Variants in PLCXD3 observed in about 807,000 individuals in gnomAD.
PLCXD3 encodes PI-PLC X domain-containing protein 3.
PLCXD3 carries 19 observed loss-of-function variants against 25.5 expected under a neutral mutation model. The observed-to-expected ratio is 0.75, with a 90% CI of 0.52 to 1.09. The LOEUF (loss-of-function observed/expected upper bound fraction) is 1.09. Ranked by LOEUF, PLCXD3 falls within the 50% of genes least tolerant of loss-of-function variation. The probability of loss-of-function intolerance (pLI) is 0.00; values close to 1 mark genes in which losing one functional copy is unlikely to be tolerated. For synonymous variants in PLCXD3, 174 were observed against 137.6 expected (o/e 1.26, Z -1.85); for missense variants, 411 against 388.1 (o/e 1.06, Z -0.50).
intron 1 of PLCXD3, among the ~76,000 whole-genome samples, chr5:41,491,593 A>G (rs1172875770): frequency 6.6e-6 from 1 of 151,996 alleles, no homozygotes. Flanking sequence ...GTCTGTAAGG[A>G]CTTACTTTAT....
At chr5:41,340,230 T>C (rs1373081638) in intron 2 of PLCXD3, among the ~76,000 whole-genome samples, 1 of 152,118 alleles carries the variant, frequency 6.6e-6, no homozygotes, top group African/African-American at 2.4e-5. Flanking sequence ...ATCAGAGCAT[T>C]TTTCTACACT....
At chr5:41,394,727 C>G (rs951974601) in intron 1 of PLCXD3, among the ~76,000 whole-genome samples, 1 of 152,032 alleles carries the variant, frequency 6.6e-6, no homozygotes, top group Non-Finnish European at 1.5e-5. Context: ...AAGAAGGTCA[C>G]TATATAATGA....
chr5:41,451,306 A>G (rs572595301), intron 1 of PLCXD3, among the ~76,000 whole-genome samples: 2 of 152,176 alleles, frequency 1.3e-5, no homozygotes, highest in African/African-American at 4.8e-5. Flanking sequence ...ATTTCCTGCT[A>G]CCAGGAATGT....
intron 1 of PLCXD3, among the ~76,000 whole-genome samples, chr5:41,419,941 C>A (rs1481348814): frequency 1.3e-5 from 2 of 152,166 alleles, no homozygotes; most frequent in Non-Finnish European, 2.9e-5. Flanking sequence ...TCACAGTAAG[C>A]ACCTTTAGTA....
At chr5:41,503,300 T>G (rs1457441146) in intron 1 of PLCXD3, among the ~76,000 whole-genome samples, 1 of 152,158 alleles carries the variant, frequency 6.6e-6, no homozygotes, top group African/African-American at 2.4e-5. Flanking sequence ...AGGAACCAAA[T>G]TTTCATTTAT....
intron 1 of PLCXD3, among the ~76,000 whole-genome samples, chr5:41,393,535 C>T (rs149683578): frequency 3.3e-5 from 5 of 152,194 alleles, no homozygotes; most frequent in African/African-American, 7.2e-5. Context: ...ATTTAATTCA[C>T]GCCAGACCCA....
intron 2 of PLCXD3, among the ~76,000 whole-genome samples, chr5:41,352,853 G>A (rs1453345323): frequency 6.6e-6 from 1 of 152,044 alleles, no homozygotes; most frequent in East Asian, 1.9e-4. Context: ...TACAAGAAAG[G>A]CCCATTGTGT....
At chr5:41,446,757 T>C (rs1747514238) in intron 1 of PLCXD3, among the ~76,000 whole-genome samples, 1 of 152,164 alleles carries the variant, frequency 6.6e-6, no homozygotes, top group Non-Finnish European at 1.5e-5. Context: ...TGTATGGCAG[T>C]GCACCCGGAT....
At chr5:41,405,083 T>C (rs916910199) in intron 1 of PLCXD3, among the ~76,000 whole-genome samples, 1 of 152,186 alleles carries the variant, frequency 6.6e-6, no homozygotes, top group Non-Finnish European at 1.5e-5. Context: ...GCTTTCTACA[T>C]ATATAATACC....
chr5:41,385,940 AG>A (rs1482762294), intron 1 of PLCXD3, among the ~76,000 whole-genome samples: 1 of 152,134 alleles, frequency 6.6e-6, no homozygotes, highest in Non-Finnish European at 1.5e-5. Context: ...TCTTGATTGC[AG>A]CCCTGTGAGA....
At chr5:41,483,620 T>C (rs1194428722) in intron 1 of PLCXD3, among the ~76,000 whole-genome samples, 1 of 152,154 alleles carries the variant, frequency 6.6e-6, no homozygotes, top group Non-Finnish European at 1.5e-5. Flanking sequence ...AAATGTTCTG[T>C]GGATGAATGA....
At chr5:41,388,798 T>A (rs901598585) in intron 1 of PLCXD3, among the ~76,000 whole-genome samples, 3 of 151,992 alleles carry the variant, frequency 2.0e-5, no homozygotes, top group African/African-American at 4.8e-5. Flanking sequence ...GAAGACTACC[T>A]GATATGTGGA....
chr5:41,468,946 T>A (rs1748087774), intron 1 of PLCXD3, among the ~76,000 whole-genome samples: 2 of 152,192 alleles, frequency 1.3e-5, no homozygotes, highest in Admixed American at 6.5e-5. Flanking sequence ...AGTATCATTA[T>A]CTTGTCTCTG....
chr5:41,404,333 A>G (rs1264518794), intron 1 of PLCXD3, among the ~76,000 whole-genome samples: 2 of 152,158 alleles, frequency 1.3e-5, no homozygotes, highest in Non-Finnish European at 2.9e-5. Context: ...CTATAAAAGT[A>G]CTATAATACT....
chr5:41,352,830 G>A (rs1031888065), intron 2 of PLCXD3, among the ~76,000 whole-genome samples: 1 of 152,140 alleles, frequency 6.6e-6, no homozygotes, highest in Non-Finnish European at 1.5e-5. Context: ...GAGTTCTAAA[G>A]AGTGGAGTTA....
At chr5:41,389,629 C>A (rs1447130925) in intron 1 of PLCXD3, among the ~76,000 whole-genome samples, 3 of 152,136 alleles carry the variant, frequency 2.0e-5, no homozygotes, top group Admixed American at 2.0e-4. Flanking sequence ...AACACCATAT[C>A]TGCTGTTGAT....
chr5:41,357,380 A>C (rs1373389572), intron 2 of PLCXD3, among the ~76,000 whole-genome samples: 3 of 152,218 alleles, frequency 2.0e-5, no homozygotes, highest in Non-Finnish European at 4.4e-5. Flanking sequence ...GCCAATTATA[A>C]ATTTGTTGGA....
chr5:41,375,730 C>G (rs576508340), intron 2 of PLCXD3, among the ~76,000 whole-genome samples: 25 of 152,220 alleles, frequency 1.6e-4, no homozygotes, highest in Non-Finnish European at 3.1e-4. Flanking sequence ...ATTTACTTTC[C>G]TAAACCCCTA....
intron 1 of PLCXD3, among the ~76,000 whole-genome samples, chr5:41,499,479 A>G (rs1748910007): frequency 6.6e-6 from 1 of 151,784 alleles, no homozygotes. Flanking sequence ...AAAACGTTGC[A>G]GAAAGAAATT....
Sources: gnomAD v4.1 joint callset for allele counts (sites outside exome capture counted in the v4.1 genomes callset) on GRCh38, gnomAD v4.1.1 for gene constraint, MANE v1.5 for transcripts, NCBI Gene and HGNC (gene_info 2026-07-23, HGNC 2026-07-21) for gene names.